NKTR: variants seen among roughly 807,000 people sequenced by gnomAD.
NKTR encodes NK-tumor recognition protein.
A neutral mutation model predicts 156.3 loss-of-function variants in NKTR; 67 were observed. The observed-to-expected ratio is 0.43, with a 90% CI of 0.35 to 0.53. The LOEUF is 0.53. Among genes scored for constraint, NKTR ranks in the 20% least tolerant of loss-of-function variants. NKTR has a pLI of 0.01. For missense variants in NKTR, 1,604 were observed against 1,730.9 expected, an observed-to-expected ratio of 0.93 and a Z score of 1.30; for synonymous variants, 640 against 596.6, an observed-to-expected ratio of 1.07 and a Z score of -1.06.
At position 42,638,881 on chromosome 3, in the gene NKTR, G is replaced by A. The variant is rs1278122686; in HGVS notation, c.3177G>A (p.Glu1059=). ...TAAAAGATAATATTCTAAAAACTGA[G>A]AAATCCAGTGAAGAGGACCTTTCAG... ...ETIKDNILKT[E]KSSEEDLSGK... The change falls in exon 13 of 17, where the codon GAG becomes GAA. Residue 1059 remains glutamate, a synonymous_variant. Transcript: ENST00000232978. 3 of 1,609,572 alleles carry A rather than the reference G, an allele frequency of 1.9e-6. No homozygotes were observed. Among genetic ancestry groups the A allele is most frequent in the Non-Finnish European group, 2.5e-6 (3 of 1,178,732 alleles).
chr3:42,641,832 C>T (rs181741646), intron 13 of NKTR, among the ~76,000 whole-genome samples: 80 of 150,932 alleles, frequency 5.3e-4, no homozygotes, highest in African/African-American at 1.8e-3. Flanking sequence ...GAGCCAAGAT[C>T]GCGCCACTGC....
chr3:42,628,970 C>A, intron 6 of NKTR: 1 of 467,196 alleles, frequency 2.1e-6, no homozygotes, highest in Non-Finnish European at 2.8e-6. Context: ...CCATCGCACT[C>A]TAGCCTGGGC....
At chr3:42,634,269 G>A (rs1403728777) in intron 10 of NKTR, among the ~76,000 whole-genome samples, 1 of 152,182 alleles carries the variant, frequency 6.6e-6, no homozygotes, top group African/African-American at 2.4e-5. Context: ...TGAGAAAATA[G>A]TATTTAATGT....
Position 42,615,705 on chromosome 3 carries a change from A to C in NKTR, c.59-1865A>C, listed in dbSNP as rs115197845. Reference sequence around the variant, plus strand: ...TAGCCATCTTACAGGGATTGCAAAGATCTAAGTCTGTTCTGGTATGCAAAG... The same window carrying C: ...TAGCCATCTTACAGGGATTGCAAAGCTCTAAGTCTGTTCTGGTATGCAAAG... On this transcript the variant is annotated intron_variant, in intron 2 of 16. Transcript: ENST00000232978. Among the ~76,000 whole-genome samples the C allele has an allele frequency of 3.0e-3, 462 of 152,310 alleles. 3 individuals are homozygous for C. Among genetic ancestry groups the C allele is most frequent in the African/African-American group, 0.011 (446 of 41,556 alleles).
At chr3:42,620,244 A>G in intron 5 of NKTR, 4 of 1,268,030 alleles carry the variant, frequency 3.2e-6, no homozygotes, top group Non-Finnish European at 4.0e-6. Flanking sequence ...ATCAGAGAAA[A>G]GAGTCTAGTT....
At position 42,627,426 on chromosome 3, in the gene NKTR, A is replaced by C. The variant is rs1455047501; in HGVS notation, c.375-3120A>C. ...ATTTTAACTTCAGTGGCTTGTTTCC[A>C]CCAAGTTCCTGTACATCTTCTGGTG... On this transcript the variant is annotated intron_variant, in intron 6 of 16. Transcript: ENST00000232978. The C allele has an allele frequency of 2.0e-5, 20 of 985,126 alleles. No individual in the cohort carries two copies. The South Asian group carries it at 9.4e-4, about 46-fold the overall frequency. The allele number at this position is 985,126 out of a possible 1,614,324, so 61.0% of individuals were successfully genotyped here.
At chr3:42,635,161 C>T in intron 11 of NKTR, 60 bp from the exon 12 acceptor site, 1 of 1,382,338 alleles carries the variant, frequency 7.2e-7, no homozygotes, top group South Asian at 1.4e-5. Context: ...TTAACTCTGT[C>T]ACATAGCAGA....
intron 6 of NKTR, chr3:42,629,986 AC>A: frequency 1.0e-6 from 1 of 985,364 alleles, no homozygotes; most frequent in Non-Finnish European, 1.2e-6. Flanking sequence ...TCAGAGCTTC[AC>A]CTTGGGTGAA....
intron 6 of NKTR, 175 bp from the exon 7 acceptor site, chr3:42,630,371 G>T: frequency 2.1e-6 from 3 of 1,407,656 alleles, no homozygotes; most frequent in East Asian, 2.6e-5. Context: ...TAGTAAGATG[G>T]CTACTATTGC....
chr3:42,600,880 C>G, intron 1 of NKTR, 102 bp downstream of exon 1: 1 of 661,212 alleles, frequency 1.5e-6, no homozygotes, highest in Non-Finnish European at 2.3e-6. Context: ...GACGGGCCGG[C>G]GTGAGGCACC....
chr3:42,617,315 T>G (rs1488485673), intron 2 of NKTR, among the ~76,000 whole-genome samples: 1 of 152,216 alleles, frequency 6.6e-6, no homozygotes, highest in Non-Finnish European at 1.5e-5. Context: ...CAAAGTTCCT[T>G]TAAAACACAC....
intron 6 of NKTR, among the ~76,000 whole-genome samples, chr3:42,624,840 C>T (rs1292200856): frequency 1.3e-5 from 2 of 152,034 alleles, no homozygotes; most frequent in Non-Finnish European, 2.9e-5. Flanking sequence ...TTAATTCTGG[C>T]TGTAATTTTT....
chr3:42,629,890 G>C (rs1708735570), intron 6 of NKTR: 1 of 985,338 alleles, frequency 1.0e-6, no homozygotes. Context: ...TAAAATGTCT[G>C]CAATGTTATC....
intron 6 of NKTR, among the ~76,000 whole-genome samples, chr3:42,625,565 G>A (rs1708298315): frequency 6.6e-6 from 1 of 152,098 alleles, no homozygotes; most frequent in African/African-American, 2.4e-5. Context: ...GTTTTAAGGG[G>A]TTTGTAAAGC....
At chr3:42,613,353 G>A (rs932548120) in intron 2 of NKTR, among the ~76,000 whole-genome samples, 18 of 152,126 alleles carry the variant, frequency 1.2e-4, no homozygotes, top group Admixed American at 2.6e-4. Flanking sequence ...TAAATGGCCC[G>A]ATGTTATGCT....
chr3:42,633,870 T>C (rs760892044), intron 10 of NKTR, 135 bp downstream of exon 10: 200 of 916,818 alleles, frequency 2.2e-4, no homozygotes, highest in Non-Finnish European at 3.0e-4. Flanking sequence ...GAGTATTAGA[T>C]TAATGAATGA....
At position 42,646,648 on chromosome 3, in the gene NKTR, A is replaced by C. The variant is rs139315070; in HGVS notation, c.*673A>C. Reference sequence around the variant, plus strand: ...ATAAATACCTGCACTGTCTCTGAGGACTTACTATTTTATGTTCTTTTTAAT... The same window carrying C: ...ATAAATACCTGCACTGTCTCTGAGGCCTTACTATTTTATGTTCTTTTTAAT... On this transcript the variant is annotated 3_prime_UTR_variant, in exon 17 of 17. Coordinates refer to ENST00000232978, the MANE Select transcript of NKTR (RefSeq NM_005385.4). 3 of 152,630 alleles carry C rather than the reference A, an allele frequency of 2.0e-5. No individual in the cohort carries two copies. The highest frequency in any genetic ancestry group is 2.1e-4 in the South Asian group (1 of 4,834). The allele number at this position is 152,630 out of a possible 1,614,324, so 9.5% of individuals were successfully genotyped here.
chr3:42,635,415 T>A (rs1482070437), intron 12 of NKTR, 49 bp downstream of exon 12: 9 of 1,423,744 alleles, frequency 6.3e-6, no homozygotes, highest in Non-Finnish European at 6.7e-6. Context: ...ATATTTTAAA[T>A]GTTAAAGGGA....
intron 2 of NKTR, among the ~76,000 whole-genome samples, chr3:42,604,370 A>G (rs976236162): frequency 3.4e-5 from 5 of 146,132 alleles, no homozygotes; most frequent in African/African-American, 9.8e-5. Context: ...TAGATTGTTG[A>G]TTTGATACCT....
Sources: allele counts gnomAD v4.1 joint callset (sites outside exome capture counted in the v4.1 genomes callset), GRCh38; gene constraint gnomAD v4.1.1; transcripts MANE v1.5; gene names NCBI Gene and HGNC (gene_info 2026-07-23, HGNC 2026-07-21).